RAD51B: variants seen among roughly 807,000 people sequenced by gnomAD.
The protein encoded by RAD51B is DNA repair protein RAD51 homolog 2.
RAD51B carries 38 observed loss-of-function variants against 42.2 expected under a neutral mutation model. The observed-to-expected ratio is 0.90, with a 90% confidence interval of 0.70 to 1.18. The LOEUF (loss-of-function observed/expected upper bound fraction) is 1.18, where lower values mean the gene tolerates loss of function less well. Ranked by LOEUF, RAD51B falls within the 50% of genes most tolerant of loss-of-function variation. The probability of loss-of-function intolerance (pLI) is 0.00; values close to 1 mark genes in which losing one functional copy is unlikely to be tolerated. For missense variants in RAD51B, 373 were observed against 400.7 expected (o/e 0.93, Z 0.59); for synonymous variants, 154 against 145.2 (o/e 1.06, Z -0.43).
chr14:68,475,692 A>T (rs10149349), intron 10 of RAD51B, among the ~76,000 whole-genome samples: 64,861 of 149,968 alleles, frequency 0.43, 14,541 homozygotes, highest in African/African-American at 0.57. Flanking sequence ...CTCCACTTTT[A>T]AAAAAAAAAT....
intron 9 of RAD51B, among the ~76,000 whole-genome samples, chr14:68,428,696 C>T (rs951431151): frequency 3.8e-5 from 5 of 130,584 alleles, no homozygotes; most frequent in African/African-American, 1.5e-4. Context: ...TTGCATATGG[C>T]AGGATTTTCT....
chr14:68,039,031 C>T (rs978925432), intron 7 of RAD51B, among the ~76,000 whole-genome samples: 9 of 152,026 alleles, frequency 5.9e-5, no homozygotes, highest in Non-Finnish European at 1.5e-5. Flanking sequence ...GTATTAACAC[C>T]ATGAAAATCA....
chr14:68,483,066 G>GCTTGATTGTA (rs1883327751), downstream of RAD51B, among the ~76,000 whole-genome samples: 1 of 152,192 alleles, frequency 6.6e-6, no homozygotes, highest in South Asian at 2.1e-4. Flanking sequence ...AAGAAAGAGA[G>GCTTGATTGTA]AGAGATTGAG....
intron 4 of RAD51B, among the ~76,000 whole-genome samples, chr14:67,850,874 G>A (rs1332714915): frequency 1.3e-5 from 2 of 152,148 alleles, no homozygotes; most frequent in African/African-American, 2.4e-5. Context: ...TTGTTCTAGA[G>A]CTCTTGACTC....
downstream of RAD51B, among the ~76,000 whole-genome samples, chr14:68,481,631 G>A (rs767664363): frequency 9.2e-5 from 14 of 152,156 alleles, no homozygotes; most frequent in African/African-American, 1.4e-4. Flanking sequence ...GTAGAATTTT[G>A]TATTATTCCT....
intron 7 of RAD51B, among the ~76,000 whole-genome samples, chr14:68,274,628 T>G (rs1208307499): frequency 6.6e-6 from 1 of 152,208 alleles, no homozygotes; most frequent in East Asian, 1.9e-4. Context: ...TCTGGAGTAC[T>G]TCCCAGAATA....
chr14:67,905,692 A>G (rs1453449404), intron 7 of RAD51B, among the ~76,000 whole-genome samples: 1 of 151,946 alleles, frequency 6.6e-6, no homozygotes, highest in Non-Finnish European at 1.5e-5. Context: ...ATAGGATTGC[A>G]TTATTGATTT....
chr14:68,074,622 A>G (rs1329979050), intron 7 of RAD51B, among the ~76,000 whole-genome samples: 1 of 152,160 alleles, frequency 6.6e-6, no homozygotes, highest in Non-Finnish European at 1.5e-5. Flanking sequence ...GAATTGTCAG[A>G]GTTCTTGCGT....
At chr14:68,319,635 T>C (rs1478921928) in intron 8 of RAD51B, among the ~76,000 whole-genome samples, 2 of 152,224 alleles carry the variant, frequency 1.3e-5, no homozygotes, top group Non-Finnish European at 2.9e-5. Flanking sequence ...CTCAGAGTTA[T>C]ACCTTGTAGA....
intron 11 of RAD51B, chr14:68,650,941 C>T: frequency 1.6e-6 from 1 of 644,590 alleles, no homozygotes; most frequent in Non-Finnish European, 2.8e-6. Context: ...ATAAAGTAGA[C>T]CCAAGAACCT....
At chr14:68,614,751 T>C (rs1374710806), downstream of RAD51B, among the ~76,000 whole-genome samples, 1 of 152,262 alleles carries the variant, frequency 6.6e-6, no homozygotes, top group Non-Finnish European at 1.5e-5. Context: ...ATTTTGTTTA[T>C]CTGTTCATCA....
At chr14:67,890,434 C>T (rs1436025520) in intron 7 of RAD51B, among the ~76,000 whole-genome samples, 2 of 151,572 alleles carry the variant, frequency 1.3e-5, no homozygotes, top group East Asian at 1.9e-4. Flanking sequence ...TACAGAATTA[C>T]GGTGGACTGT....
At chr14:68,123,297 C>G (rs2077690294) in intron 7 of RAD51B, among the ~76,000 whole-genome samples, 1 of 151,256 alleles carries the variant, frequency 6.6e-6, no homozygotes, top group Non-Finnish European at 1.5e-5. Context: ...ACATGATCCT[C>G]CCACCTCAGC....
Position 68,358,885 on chromosome 14 carries a change from T to C in RAD51B, c.854-52539T>C, listed in dbSNP as rs188172272. ...TTATGATTATATCATGGAGTTTGAGTATCCTTAACAAAGGAAGAAATTCAC... is the reference window on the plus strand; with the variant it reads ...TTATGATTATATCATGGAGTTTGAGCATCCTTAACAAAGGAAGAAATTCAC... On this transcript the variant is annotated intron_variant, in intron 8 of 10. Transcript: ENST00000471583. Among the ~76,000 whole-genome samples, 333 of 152,356 alleles carry C rather than the reference T, an allele frequency of 2.2e-3. 2 individuals are homozygous for C. The highest frequency in any genetic ancestry group is 7.7e-3 in the African/African-American group (319 of 41,580).
At chr14:68,095,971 C>CAAAAAAAAA (rs56862052) in intron 7 of RAD51B, among the ~76,000 whole-genome samples, 5 of 62,616 alleles carry the variant, frequency 8.0e-5, no homozygotes, top group African/African-American at 1.5e-4. Context: ...GACTCCGTCT[C>CAAAAAAAAA]AAAAAAAAAA....
intron 3 of RAD51B, among the ~76,000 whole-genome samples, chr14:67,834,119 C>T (rs141436924): frequency 1.3e-5 from 2 of 152,096 alleles, no homozygotes; most frequent in African/African-American, 4.8e-5. Context: ...GGGGATTATC[C>T]GTTCCTTGCC....
chr14:68,040,996 C>G (rs1023317484), intron 7 of RAD51B, among the ~76,000 whole-genome samples: 4 of 152,208 alleles, frequency 2.6e-5, no homozygotes, highest in African/African-American at 4.8e-5. Flanking sequence ...GTGTGCCCAC[C>G]TAAATCTCAT....
In RAD51B at chr14:68,240,884, A is replaced by G. The variant is rs80004888; in HGVS notation, c.757-51000A>G. ...AACTAGCATATGCTTTGCCTCATGT[A>G]CTAGGCTAGGCACTTTACCTACATT... is the stretch of plus-strand genomic sequence containing the variant. On this transcript the variant is annotated intron_variant, in intron 7 of 10. Transcript: ENST00000471583. 9.9e-3 allele frequency among the ~76,000 whole-genome samples: 1,516 copies of G among 152,378 alleles called. 24 individuals are homozygous for G. The highest frequency in any genetic ancestry group is 0.035 in the African/African-American group (1,455 of 41,586).
chr14:68,243,869 T>C (rs2080441206), intron 7 of RAD51B, among the ~76,000 whole-genome samples: 1 of 152,110 alleles, frequency 6.6e-6, no homozygotes, highest in African/African-American at 2.4e-5. Context: ...AATTATATGT[T>C]GATTTGTAAT....
Sources: gnomAD v4.1 joint callset for allele counts (sites outside exome capture counted in the v4.1 genomes callset) on GRCh38, gnomAD v4.1.1 for gene constraint, MANE v1.5 for transcripts, NCBI Gene and HGNC (gene_info 2026-07-23, HGNC 2026-07-21) for gene names.